BCAS3: variants seen among roughly 807,000 people sequenced by gnomAD.
BCAS3 encodes the protein BCAS3 microtubule associated cell migration factor.
In BCAS3, 53 loss-of-function variants were observed where a neutral mutation model predicts 116.1. That is an observed-to-expected ratio of 0.46 (90% CI 0.37 to 0.57). The LOEUF (loss-of-function observed/expected upper bound fraction) is 0.57. Among genes scored for constraint, BCAS3 ranks in the 20% least tolerant of loss-of-function variants. BCAS3 has a pLI of 0.00. For missense variants in BCAS3, 917 were observed against 1,165.4 expected (o/e 0.79, Z 3.10); for synonymous variants, 391 against 408.2 (o/e 0.96, Z 0.51).
rs943437334 is a variant in BCAS3 at position 61,365,755 on chromosome 17, G to C, written c.2426-2572G>C. Among the ~76,000 whole-genome samples the C allele has an allele frequency of 5.9e-5, 9 of 152,150 alleles. No homozygotes were observed. Among genetic ancestry groups the C allele is most frequent in the African/African-American group, 2.2e-4 (9 of 41,424 alleles). On this transcript the variant is annotated intron_variant, in intron 22 of 23. Transcript: ENST00000407086. This position sits in a 1 kb window ranked among gnomAD's most constrained non-coding sequence, Gnocchi z 4.6. ...CAAACATTAACTGAGCTCCTTTCTA[G>C]AGACAGACCTCCTGCTCTTGTGAAG...
At position 61,122,796 on chromosome 17, in the gene BCAS3, T is replaced by C. The variant is rs1374714856; in HGVS notation, c.2425+38232T>C. ...ATATATGATGTTCATATATTTAGCA[T>C]CTGTTGTCAATACAGCAATGTAAGC... On this transcript the variant is annotated intron_variant, in intron 22 of 23. Transcript: ENST00000407086. The surrounding 1 kb of genome is among the most constrained non-coding windows in gnomAD (Gnocchi z 4.6). 6.6e-6 allele frequency among the ~76,000 whole-genome samples: 1 copy of C among 152,240 alleles called. No homozygotes were observed. Among genetic ancestry groups the C allele is most frequent in the Non-Finnish European group, 1.5e-5 (1 of 68,052 alleles).
At chr17:61,342,751 C>CTTTTT (rs113701578) in intron 22 of BCAS3, among the ~76,000 whole-genome samples, 8 of 137,040 alleles carry the variant, frequency 5.8e-5, no homozygotes, top group Non-Finnish European at 1.1e-4. Context: ...ATTTTCTTTT[C>CTTTTT]TTTTTTTTTT....
chr17:61,369,998 C>A (rs1295762914), intron 23 of BCAS3, among the ~76,000 whole-genome samples: 1 of 152,172 alleles, frequency 6.6e-6, no homozygotes, highest in Non-Finnish European at 1.5e-5. Context: ...GCTCTTCTCT[C>A]CCACCGCCTT....
chr17:60,775,297 G>A (rs183551558), intron 6 of BCAS3, among the ~76,000 whole-genome samples: 90 of 152,214 alleles, frequency 5.9e-4, no homozygotes, highest in Non-Finnish European at 1.1e-3. Flanking sequence ...TTGATCTCAT[G>A]AATAGGTAAA....
chr17:60,725,791 A>G (rs1216728405), intron 5 of BCAS3, among the ~76,000 whole-genome samples: 1 of 152,228 alleles, frequency 6.6e-6, no homozygotes, highest in Non-Finnish European at 1.5e-5. Flanking sequence ...GTATGAATAC[A>G]GTGCTGTAGA....
chr17:61,059,063 C>CTTTTTTTTTTTTTTTTTTTTTT lies in BCAS3; in HGVS notation c.2030-15841_2030-15820dup, dbSNP rs869090870. 5.2e-4 allele frequency among the ~76,000 whole-genome samples: 17 copies of CTTTTTTTTTTTTTTTTTTTTTT among 32,802 alleles called. 2 individuals are homozygous for CTTTTTTTTTTTTTTTTTTTTTT. The highest frequency in any genetic ancestry group is 5.7e-4 in the Non-Finnish European group (9 of 15,840). The allele number at this position is 32,802 out of a possible 152,430, so 21.5% of individuals were successfully genotyped here. A position where few individuals can be genotyped will look rare whatever the true frequency, so the allele number is the denominator to read the frequency against. ...TCCCCGAACTCTTTTTTCTCCCCAT[C>CTTTTTTTTTTTTTTTTTTTTTT]TTTTTTTTTTTTTTTTTTTTTTTTT... On this transcript the variant is annotated intron_variant, in intron 19 of 23. Coordinates refer to ENST00000407086, the MANE Select transcript of BCAS3 (RefSeq NM_017679.5).
At position 61,298,791 on chromosome 17, in the gene BCAS3, A is replaced by ATTAT. The variant is rs144760223; in HGVS notation, c.2426-69506_2426-69503dup. ...TTCCAGTTCAAAGTAGTCACATGCC[A>ATTAT]TTATTTATTTATTTATTTATTTATT... On this transcript the variant is annotated intron_variant, in intron 22 of 23. Transcript: ENST00000407086. Among the ~76,000 whole-genome samples, 1,391 of 145,440 alleles carry ATTAT rather than the reference A, an allele frequency of 9.6e-3. 24 individuals are homozygous for ATTAT. Among genetic ancestry groups the ATTAT allele is most frequent in the South Asian group, 0.056 (254 of 4,524 alleles).
rs1235543628 is a variant in BCAS3, at chr17:61,332,456, CT to C, written c.2426-35869del. Among the ~76,000 whole-genome samples the C allele has an allele frequency of 3.3e-5, 5 of 152,090 alleles. No homozygotes were observed. In the East Asian group the frequency reaches 9.7e-4, roughly 29 times the overall value. ...GCAAACACTTCACTGGTTGGTAGGG[CT>C]TATGGCTCCATATTGAAAGGAGGGA... On this transcript the variant is annotated intron_variant, in intron 22 of 23. Coordinates refer to ENST00000407086, the MANE Select transcript of BCAS3 (RefSeq NM_017679.5). The surrounding 1 kb of genome is among the most constrained non-coding windows in gnomAD (Gnocchi z 5.4).
Position 61,241,768 on chromosome 17 carries a change from AT to A in BCAS3, c.2426-126558del, listed in dbSNP as rs1291715812. ...TTTGGAGGTAAAATGAGTCTAAAAA[AT>A]GTACTTACCTATTTTTTCTCTACTA... On this transcript the variant is annotated intron_variant, in intron 22 of 23. Coordinates refer to ENST00000407086, the MANE Select transcript of BCAS3 (RefSeq NM_017679.5). This position sits in a 1 kb window ranked among gnomAD's most constrained non-coding sequence, Gnocchi z 4.6. Among the ~76,000 whole-genome samples the A allele has an allele frequency of 6.6e-6, 1 of 152,154 alleles. No individual in the cohort carries two copies. The highest frequency in any genetic ancestry group is 2.4e-5 in the African/African-American group (1 of 41,426).
rs375401061 is a variant in BCAS3 at position 61,269,192 on chromosome 17, A to G, written c.2426-99135A>G. 1.2e-4 allele frequency among the ~76,000 whole-genome samples: 18 copies of G among 146,734 alleles called. No homozygotes were observed. In the East Asian group the frequency reaches 3.5e-3, roughly 28 times the overall value. The stretch of plus-strand genomic sequence containing the variant: ...TGCAATGCTGTGATCTCGGCTCACC[A>G]CAACCTCAGCCTCCTGGGTTCAAGC... On this transcript the variant is annotated intron_variant, in intron 22 of 23. Transcript: ENST00000407086.
chr17:61,136,343 G>T lies in BCAS3; in HGVS notation c.2425+51779G>T, dbSNP rs1409249209. Among the ~76,000 whole-genome samples the T allele has an allele frequency of 6.6e-6, 1 of 152,290 alleles. No homozygotes were observed. The highest frequency in any genetic ancestry group is 1.9e-4 in the East Asian group (1 of 5,188). ...CTAGACAGTAAGCTTTTTCAAGACA[G>T]ATACTGTCTCTTCTTCATCTCTATA... is the stretch of plus-strand genomic sequence containing the variant. On this transcript the variant is annotated intron_variant, in intron 22 of 23. Transcript: ENST00000407086. This position sits in a 1 kb window ranked among gnomAD's most constrained non-coding sequence, Gnocchi z 4.4.
chr17:60,742,188 T>C (rs2041618963), intron 5 of BCAS3, among the ~76,000 whole-genome samples: 1 of 152,206 alleles, frequency 6.6e-6, no homozygotes, highest in Admixed American at 6.5e-5. Flanking sequence ...TTCACTTGTA[T>C]CTCTACCAGA....
At chr17:60,799,352 A>G (rs184154550) in intron 6 of BCAS3, among the ~76,000 whole-genome samples, 1 of 152,128 alleles carries the variant, frequency 6.6e-6, no homozygotes, top group Non-Finnish European at 1.5e-5. Context: ...CACATTCACC[A>G]CCAGCACAAT....
intron 6 of BCAS3, among the ~76,000 whole-genome samples, chr17:60,781,353 C>T (rs1391041984): frequency 1.3e-5 from 2 of 151,862 alleles, no homozygotes; most frequent in Non-Finnish European, 2.9e-5. Flanking sequence ...AATCCCAGCA[C>T]TTACAGAGGA....
In BCAS3 at chr17:61,392,306, C is replaced by T. The variant is rs763239292; in HGVS notation, c.*181C>T. On this transcript the variant is annotated 3_prime_UTR_variant, in exon 24 of 24. Transcript: ENST00000407086. This position sits in a 1 kb window ranked among gnomAD's most constrained non-coding sequence, Gnocchi z 6.4. ...AGAGACCCTTCTCCAAGCACCTCAG[C>T]GCACTTGCCCTCTGCCACACCTGTC... The T allele has an allele frequency of 6.2e-5, 43 of 696,184 alleles. No individual in the cohort carries two copies. The highest frequency in any genetic ancestry group is 1.4e-4 in the South Asian group (7 of 49,324). The allele number at this position is 696,184 out of a possible 1,614,324, so 43.1% of individuals were successfully genotyped here. A position where few individuals can be genotyped will look rare whatever the true frequency, so the allele number is the denominator to read the frequency against.
In BCAS3 at chr17:61,315,912, A is replaced by G. The variant is rs1408444184; in HGVS notation, c.2426-52415A>G. Among the ~76,000 whole-genome samples the G allele has an allele frequency of 3.9e-5, 6 of 152,068 alleles. No individual in the cohort carries two copies. Among genetic ancestry groups the G allele is most frequent in the African/African-American group, 1.2e-4 (5 of 41,406 alleles). ...CAGCTGACATCTTAAAGTCACCTCT[A>G]TTGTCCACCTACCTACTTCTCTATC... On this transcript the variant is annotated intron_variant, in intron 22 of 23. Transcript: ENST00000407086. This position sits in a 1 kb window ranked among gnomAD's most constrained non-coding sequence, Gnocchi z 5.3.
At chr17:61,359,578 C>A (rs916278054) in intron 22 of BCAS3, among the ~76,000 whole-genome samples, 3 of 151,238 alleles carry the variant, frequency 2.0e-5, no homozygotes, top group African/African-American at 7.3e-5. Flanking sequence ...GCAATCTCTG[C>A]CCACCAAATT....
chr17:61,107,861 C>T (rs2143707355), intron 22 of BCAS3, among the ~76,000 whole-genome samples: 1 of 152,282 alleles, frequency 6.6e-6, no homozygotes, highest in African/African-American at 2.4e-5. Flanking sequence ...AGTTTCATTC[C>T]ACTGAGCTAA....
At chr17:60,814,306 T>TGCGCAC (rs1555731473) in intron 7 of BCAS3, among the ~76,000 whole-genome samples, 2 of 148,198 alleles carry the variant, frequency 1.3e-5, no homozygotes, top group East Asian at 4.0e-4. Flanking sequence ...TGTGTGTGTG[T>TGCGCAC]GCGCGCGTGC....
Sources: gnomAD v4.1 joint callset for allele counts (sites outside exome capture counted in the v4.1 genomes callset) on GRCh38, gnomAD v4.1.1 for gene constraint, Gnocchi (gnomAD v3.1) non-coding constraint, MANE v1.5 for transcripts, NCBI Gene and HGNC (gene_info 2026-07-23, HGNC 2026-07-21) for gene names.